Variants in DCC observed in about 807,000 individuals in gnomAD.
DCC encodes netrin receptor DCC.
DCC carries 58 observed loss-of-function variants against 172.5 expected under a neutral mutation model. The ratio of observed to expected loss-of-function variants is 0.34; its 90% confidence interval spans 0.27 to 0.42. The LOEUF (loss-of-function observed/expected upper bound fraction) is 0.42, where lower values mean the gene tolerates loss of function less well. Among genes scored for constraint, DCC ranks in the 10% least tolerant of loss-of-function variants. The pLI is 1.00. For synonymous variants in DCC, 709 were observed against 644.5 expected (o/e 1.10, Z -1.52); for missense variants, 1,740 against 1,791.0 (o/e 0.97, Z 0.51).
intron 12 of DCC, among the ~76,000 whole-genome samples, chr18:53,247,330 G>A (rs1162139245): frequency 6.6e-6 from 1 of 151,984 alleles, no homozygotes. Context: ...AAGACACCGT[G>A]TGGTGAGTAA....
At chr18:52,597,998 C>T (rs2033941844) in intron 1 of DCC, among the ~76,000 whole-genome samples, 1 of 152,120 alleles carries the variant, frequency 6.6e-6, no homozygotes, top group Non-Finnish European at 1.5e-5. Flanking sequence ...ACATCTGCCC[C>T]TAAACAGCCT....
At chr18:53,274,125 A>G (rs1231071533) in intron 12 of DCC, among the ~76,000 whole-genome samples, 3 of 152,214 alleles carry the variant, frequency 2.0e-5, no homozygotes, top group African/African-American at 4.8e-5. Flanking sequence ...CAGTGACACT[A>G]TCACAAATTT....
At chr18:52,897,697 G>T (rs1001051046) in intron 2 of DCC, among the ~76,000 whole-genome samples, 5 of 139,410 alleles carry the variant, frequency 3.6e-5, no homozygotes, top group African/African-American at 5.2e-5. Context: ...TCATGTGATT[G>T]CTTCTTATAA....
At chr18:52,611,413 A>C (rs1365948077) in intron 1 of DCC, among the ~76,000 whole-genome samples, 6 of 152,104 alleles carry the variant, frequency 3.9e-5, no homozygotes, top group African/African-American at 1.4e-4. Context: ...GTTTTTCAGT[A>C]CTCCGAGAGG....
chr18:52,968,727 T>A (rs2145581770), intron 5 of DCC, among the ~76,000 whole-genome samples: 1 of 152,318 alleles, frequency 6.6e-6, no homozygotes, highest in Non-Finnish European at 1.5e-5. Context: ...TCATGTAATT[T>A]AGCTAGGGAT....
At chr18:53,207,539 A>G (rs1427538283) in intron 10 of DCC, 140 bp from the exon 11 acceptor site, 28 of 771,316 alleles carry the variant, frequency 3.6e-5, no homozygotes, top group Non-Finnish European at 5.5e-5. Flanking sequence ...CTGTGTCACA[A>G]GGTAGGTTTT....
chr18:53,285,817 C>T (rs1185707424), intron 12 of DCC, among the ~76,000 whole-genome samples: 1 of 152,224 alleles, frequency 6.6e-6, no homozygotes, highest in Non-Finnish European at 1.5e-5. Flanking sequence ...TGCCAAATAC[C>T]ATGGGAGCCC....
intron 5 of DCC, among the ~76,000 whole-genome samples, chr18:53,021,129 G>T (rs9807185): frequency 0.33 from 49,765 of 152,060 alleles, 9,201 homozygotes; most frequent in Non-Finnish European, 0.43. Context: ...TGCTGAGACA[G>T]TCCACAAAGG....
At chr18:53,349,505 A>G (rs9960416) in intron 15 of DCC, among the ~76,000 whole-genome samples, 68,512 of 152,034 alleles carry the variant, frequency 0.45, 16,358 homozygotes, top group East Asian at 0.73. Flanking sequence ...AGCAACCTCC[A>G]ACTCCTGGTA....
chr18:53,163,259 T>C (rs1033627334), intron 8 of DCC, among the ~76,000 whole-genome samples: 1 of 132,942 alleles, frequency 7.5e-6, no homozygotes, highest in Non-Finnish European at 1.7e-5. Flanking sequence ...ATATTCTCGA[T>C]AGATTTTTTT....
chr18:52,602,671 C>A (rs2034041828), intron 1 of DCC, among the ~76,000 whole-genome samples: 1 of 149,302 alleles, frequency 6.7e-6, no homozygotes, highest in Non-Finnish European at 1.5e-5. Context: ...AATTACGGTG[C>A]AAATACAAAA....
At chr18:52,474,042 A>C (rs568437458) in intron 1 of DCC, among the ~76,000 whole-genome samples, 1 of 152,232 alleles carries the variant, frequency 6.6e-6, no homozygotes, top group East Asian at 1.9e-4. Flanking sequence ...AAATTTAATC[A>C]AGTGATATAA....
chr18:52,394,927 T>G (rs993294056), intron 1 of DCC, among the ~76,000 whole-genome samples: 6 of 152,056 alleles, frequency 3.9e-5, no homozygotes, highest in Admixed American at 6.6e-5. Flanking sequence ...GTCTGACAGA[T>G]TGGCAACTCA....
intron 22 of DCC, among the ~76,000 whole-genome samples, chr18:53,435,609 A>G (rs966618678): frequency 5.3e-5 from 8 of 152,182 alleles, no homozygotes; most frequent in African/African-American, 1.9e-4. Context: ...AAACCCACCC[A>G]GTTTCATATA....
At chr18:52,467,106 G>A (rs966448746) in intron 1 of DCC, among the ~76,000 whole-genome samples, 8 of 151,876 alleles carry the variant, frequency 5.3e-5, no homozygotes, top group Non-Finnish European at 1.5e-5. Context: ...GTGCAGGTTT[G>A]TTGTAGAGTA....
chr18:53,147,795 T>C (rs980353779), intron 7 of DCC, among the ~76,000 whole-genome samples: 4 of 152,236 alleles, frequency 2.6e-5, no homozygotes, highest in Admixed American at 6.5e-5. Flanking sequence ...ACAGCTATCC[T>C]GACACCATAT....
intron 2 of DCC, among the ~76,000 whole-genome samples, chr18:52,858,610 C>T (rs562933569): frequency 6.6e-6 from 1 of 152,292 alleles, no homozygotes; most frequent in East Asian, 1.9e-4. Flanking sequence ...CCTGACCTTT[C>T]TGAGGCTTGA....
chr18:52,739,546 A>G (rs900143143), intron 1 of DCC, among the ~76,000 whole-genome samples: 27 of 152,156 alleles, frequency 1.8e-4, no homozygotes, highest in Non-Finnish European at 7.4e-5. Context: ...AAGGGCTATC[A>G]CTTCTGAGAG....
At chr18:52,439,076 G>A (rs368031191) in intron 1 of DCC, among the ~76,000 whole-genome samples, 3 of 151,912 alleles carry the variant, frequency 2.0e-5, no homozygotes, top group Middle Eastern at 3.2e-3. Flanking sequence ...AGGTAAATTC[G>A]AAATTAATAC....
Sources: allele counts gnomAD v4.1 joint callset (sites outside exome capture counted in the v4.1 genomes callset), GRCh38; gene constraint gnomAD v4.1.1; transcripts MANE v1.5; gene names NCBI Gene and HGNC (gene_info 2026-07-23, HGNC 2026-07-21).